ADAMTSL1: variants seen among roughly 807,000 people sequenced by gnomAD.
ADAMTSL1 encodes ADAMTS like 1.
ADAMTSL1 carries 126 observed loss-of-function variants against 201.8 expected under a neutral mutation model. The observed-to-expected ratio is 0.62, with a 90% CI of 0.54 to 0.72. ADAMTSL1 has a LOEUF of 0.72. Ranked by LOEUF, ADAMTSL1 falls within the 30% of genes least tolerant of loss-of-function variation. The pLI, the probability that ADAMTSL1 is intolerant of heterozygous loss-of-function variation, is 0.00. For synonymous variants in ADAMTSL1, 1,121 were observed against 903.4 expected (o/e 1.24, Z -4.32); for missense variants, 2,679 against 2,277.8 (o/e 1.18, Z -3.59).
intron 1 of ADAMTSL1, among the ~76,000 whole-genome samples, chr9:18,099,754 C>A (rs1241536769): frequency 6.6e-6 from 1 of 151,196 alleles, no homozygotes; most frequent in Non-Finnish European, 1.5e-5. Context: ...TCTCTTGCCT[C>A]AGCCTCCCAC....
intron 2 of ADAMTSL1, among the ~76,000 whole-genome samples, chr9:18,330,310 T>A (rs962924068): frequency 3.3e-5 from 5 of 152,122 alleles, no homozygotes; most frequent in African/African-American, 1.2e-4. Context: ...TTCCAGATTA[T>A]CTTCCTTCTA....
At chr9:18,197,243 G>A (rs1368289415) in intron 2 of ADAMTSL1, among the ~76,000 whole-genome samples, 1 of 152,096 alleles carries the variant, frequency 6.6e-6, no homozygotes, top group Non-Finnish European at 1.5e-5. Flanking sequence ...GATGGGGATG[G>A]CATTGAATCT....
chr9:18,358,877 GA>G (rs1318916422), intron 2 of ADAMTSL1, among the ~76,000 whole-genome samples: 1 of 152,026 alleles, frequency 6.6e-6, no homozygotes, highest in Non-Finnish European at 1.5e-5. Context: ...TTTCAATTAG[GA>G]CCATTAAGAA....
At chr9:18,311,415 G>C (rs1834151954) in intron 2 of ADAMTSL1, among the ~76,000 whole-genome samples, 1 of 152,030 alleles carries the variant, frequency 6.6e-6, no homozygotes, top group Non-Finnish European at 1.5e-5. Context: ...GCTGAAGCTA[G>C]TAGAATCAAA....
intron 2 of ADAMTSL1, among the ~76,000 whole-genome samples, chr9:18,396,021 A>G (rs1366741326): frequency 6.6e-6 from 1 of 152,192 alleles, no homozygotes. Flanking sequence ...TTTGAAGTAG[A>G]CCATTGATGC....
At chr9:18,077,589 G>C (rs959080370) in intron 1 of ADAMTSL1, among the ~76,000 whole-genome samples, 1 of 152,208 alleles carries the variant, frequency 6.6e-6, no homozygotes, top group African/African-American at 2.4e-5. Context: ...AAAGAAAGGA[G>C]TGGTGGTCAG....
At chr9:18,001,726 G>A (rs1184473441) in intron 1 of ADAMTSL1, among the ~76,000 whole-genome samples, 1 of 151,980 alleles carries the variant, frequency 6.6e-6, no homozygotes, top group Non-Finnish European at 1.5e-5. Context: ...TGTAAAGAAG[G>A]GATTTGAGGG....
intron 2 of ADAMTSL1, among the ~76,000 whole-genome samples, chr9:18,246,267 C>G (rs1194284366): frequency 1.3e-5 from 2 of 152,000 alleles, no homozygotes; most frequent in Non-Finnish European, 2.9e-5. Flanking sequence ...GCATGTAATC[C>G]AACAGTGATT....
intron 1 of ADAMTSL1, among the ~76,000 whole-genome samples, chr9:17,974,480 C>T (rs139481584): frequency 2.1e-4 from 32 of 152,112 alleles, no homozygotes; most frequent in African/African-American, 7.5e-4. Flanking sequence ...ATTCATCCTA[C>T]GTAACTGAAA....
At chr9:18,645,096 G>A (rs1827711204) in intron 7 of ADAMTSL1, among the ~76,000 whole-genome samples, 1 of 152,080 alleles carries the variant, frequency 6.6e-6, no homozygotes, top group South Asian at 2.1e-4. Context: ...GGTGTGAGAT[G>A]GTATCTCATT....
chr9:17,998,624 T>C (rs1179762906), intron 1 of ADAMTSL1, among the ~76,000 whole-genome samples: 2 of 152,054 alleles, frequency 1.3e-5, no homozygotes. Context: ...TGTTATGAAG[T>C]CATCTAGGGA....
chr9:18,090,466 A>G (rs1412014686), intron 1 of ADAMTSL1, among the ~76,000 whole-genome samples: 1 of 152,238 alleles, frequency 6.6e-6, no homozygotes, highest in East Asian at 1.9e-4. Context: ...CCTTGAAGAC[A>G]TTATGCTAAG....
At chr9:18,176,300 A>C (rs1828153501) in intron 2 of ADAMTSL1, among the ~76,000 whole-genome samples, 1 of 152,170 alleles carries the variant, frequency 6.6e-6, no homozygotes, top group Admixed American at 6.5e-5. Context: ...AAGCAGGGTA[A>C]AAATAATAAA....
At chr9:18,682,466 A>C (rs1354513856) in intron 12 of ADAMTSL1, among the ~76,000 whole-genome samples, 1 of 152,226 alleles carries the variant, frequency 6.6e-6, no homozygotes, top group Non-Finnish European at 1.5e-5. Context: ...AAAATATATC[A>C]GAATTTAAAA....
chr9:18,615,889 G>A (rs1482298095), intron 4 of ADAMTSL1, among the ~76,000 whole-genome samples: 1 of 152,142 alleles, frequency 6.6e-6, no homozygotes, highest in Non-Finnish European at 1.5e-5. Flanking sequence ...AATATCTACT[G>A]TGGTCCTGGT....
At chr9:18,293,692 G>T (rs1211814696) in intron 2 of ADAMTSL1, among the ~76,000 whole-genome samples, 2 of 152,146 alleles carry the variant, frequency 1.3e-5, no homozygotes, top group East Asian at 1.9e-4. Flanking sequence ...CCCTCTGCAG[G>T]ATTGTATGTG....
chr9:18,861,925 T>TTTCTTTCCTTTGTTGAGAAG (rs1176740108), intron 23 of ADAMTSL1, among the ~76,000 whole-genome samples: 7 of 152,168 alleles, frequency 4.6e-5, no homozygotes, highest in African/African-American at 1.7e-4. Flanking sequence ...TGTTTGTTAT[T>TTTCTTTCCTTTGTTGAGAAG]TTCTTTCCTT....
chr9:18,195,138 T>C (rs1159360338), intron 2 of ADAMTSL1, among the ~76,000 whole-genome samples: 1 of 152,162 alleles, frequency 6.6e-6, no homozygotes, highest in Admixed American at 6.6e-5. Flanking sequence ...ATTTATATTG[T>C]TTGTTTTGAG....
At chr9:18,621,547 C>T (rs574588188) in intron 4 of ADAMTSL1, among the ~76,000 whole-genome samples, 136 of 145,744 alleles carry the variant, frequency 9.3e-4, no homozygotes, top group African/African-American at 3.2e-3. Context: ...TTCATGCAAC[C>T]GTCCTCTTCC....
Sources: gnomAD v4.1 joint callset for allele counts (sites outside exome capture counted in the v4.1 genomes callset) on GRCh38, gnomAD v4.1.1 for gene constraint, MANE v1.5 for transcripts, NCBI Gene and HGNC (gene_info 2026-07-23, HGNC 2026-07-21) for gene names.